APOOL: variants seen among roughly 807,000 people sequenced by gnomAD.
APOOL encodes the protein MICOS complex subunit MIC27.
APOOL carries 12 observed loss-of-function variants against 23.1 expected under a neutral mutation model. The observed-to-expected ratio is 0.52, with a 90% confidence interval of 0.33 to 0.84. The LOEUF is 0.84. APOOL is among the 40% of genes least tolerant of loss of function. The probability of loss-of-function intolerance (pLI) is 0.02; values close to 1 mark genes in which losing one functional copy is unlikely to be tolerated. For synonymous variants in APOOL, 77 were observed against 69.9 expected (o/e 1.10, Z -0.51); for missense variants, 212 against 199.6 (o/e 1.06, Z -0.37).
chrX:85,066,523 T>A (rs1923463504), intron 5 of APOOL, among the ~76,000 whole-genome samples: 1 of 111,589 alleles, frequency 9.0e-6, no homozygotes, highest in Admixed American at 9.6e-5. Flanking sequence ...CAAAAAAAGA[T>A]ACGAAAATAA....
intron 8 of APOOL, among the ~76,000 whole-genome samples, chrX:85,085,869 TAAA>T (rs1924274317): frequency 8.9e-6 from 1 of 112,081 alleles, no homozygotes; most frequent in South Asian, 3.7e-4. Context: ...AATATCATTT[TAAA>T]GAAGAGCCTG....
intron 1 of APOOL, among the ~76,000 whole-genome samples, chrX:85,040,566 A>C (rs1039027083): frequency 1.8e-5 from 2 of 111,450 alleles, no homozygotes; most frequent in Non-Finnish European, 3.8e-5. Context: ...ACATAATTCC[A>C]CATTTCCAGA....
Position 85,087,753 on chromosome X carries a change from T to C in APOOL, c.*75T>C. ...TGCAAATAATGATGAAAATAAATCA[T>C]GTAATGGGTAACTGATACATAGAGT... On this transcript the variant is annotated 3_prime_UTR_variant, in exon 9 of 9. Transcript: ENST00000373173. 1 of 889,206 alleles carries C rather than the reference T, an allele frequency of 1.1e-6. No homozygotes were observed. Among genetic ancestry groups the C allele is most frequent in the Non-Finnish European group, 1.6e-6 (1 of 643,320 alleles). The allele number at this position is 889,206 out of a possible 1,213,427, so 73.3% of individuals were successfully genotyped here.
intron 8 of APOOL, among the ~76,000 whole-genome samples, chrX:85,082,505 A>C (rs1924144028): frequency 9.0e-6 from 1 of 111,102 alleles, no homozygotes; most frequent in Non-Finnish European, 1.9e-5. Context: ...AGGGGCACCC[A>C]CATGTATGAG....
At chrX:85,011,781 C>T (rs2147471626) in intron 1 of APOOL, among the ~76,000 whole-genome samples, 1 of 111,519 alleles carries the variant, frequency 9.0e-6, no homozygotes, top group African/African-American at 3.2e-5. Context: ...AATACGATGC[C>T]TTCAGATTTG....
intron 1 of APOOL, among the ~76,000 whole-genome samples, chrX:85,019,417 G>A (rs1339109775): frequency 8.9e-6 from 1 of 112,158 alleles, no homozygotes; most frequent in East Asian, 2.8e-4. Context: ...GCCCTCATTA[G>A]AGACTGTTAA....
intron 8 of APOOL, among the ~76,000 whole-genome samples, chrX:85,077,255 C>A (rs1923892089): frequency 9.3e-6 from 1 of 106,954 alleles, no homozygotes; most frequent in Non-Finnish European, 1.9e-5. Context: ...TATCCCTCCT[C>A]CTGCCCCCCA....
chrX:85,004,877 A>C (rs1235672152), intron 1 of APOOL, among the ~76,000 whole-genome samples: 1 of 111,183 alleles, frequency 9.0e-6, no homozygotes, highest in African/African-American at 3.3e-5. Context: ...TTATGTCTAG[A>C]ACATCTGATT....
rs1338451326 is a variant in APOOL, at chrX:85,093,219, C to T, written c.*5541C>T. ...CCTCTTCAGCATTTCAGCTCCAATA[C>T]CTAGGCCTTTTAAATAGACAATGCA... On this transcript the variant is annotated 3_prime_UTR_variant, in exon 9 of 9. Transcript: ENST00000373173. 8.6e-7 allele frequency: 1 copy of T among 1,163,665 alleles called. No homozygotes were observed. Among genetic ancestry groups the T allele is most frequent in the Non-Finnish European group, 1.1e-6 (1 of 870,264 alleles).
chrX:85,004,156 T>C (rs2042790021), intron 1 of APOOL, among the ~76,000 whole-genome samples: 1 of 111,730 alleles, frequency 9.0e-6, no homozygotes. Context: ...GGTTGTCGAT[T>C]TACACAGTGG....
chrX:85,088,907 CTG>C lies in APOOL; in HGVS notation c.*1231_*1232del, dbSNP rs1009787935. On this transcript the variant is annotated 3_prime_UTR_variant, in exon 9 of 9. Coordinates refer to ENST00000373173, the MANE Select transcript of APOOL (RefSeq NM_198450.6). Reference sequence around the variant, plus strand: ...ACCTCTACATAGCTGCAGGTCTTCTCTGTCTTAAATCAACAATAACAAAACAA... The same window carrying C: ...ACCTCTACATAGCTGCAGGTCTTCTCTCTTAAATCAACAATAACAAAACAA... 1 of 86,285 alleles carries C rather than the reference CTG, an allele frequency of 1.2e-5. No individual in the cohort carries two copies. Among genetic ancestry groups the C allele is most frequent in the Non-Finnish European group, 2.3e-5 (1 of 43,071 alleles). 7.1% of individuals were successfully genotyped at this position (86,285 alleles called of 1,213,427 possible).
At chrX:85,077,940 G>GC (rs1422750647) in intron 8 of APOOL, among the ~76,000 whole-genome samples, 1 of 111,590 alleles carries the variant, frequency 9.0e-6, no homozygotes, top group Non-Finnish European at 1.9e-5. Context: ...TGATGGGGTT[G>GC]TTTTTTTCTT....
At chrX:85,065,546 C>T (rs186126460) in intron 5 of APOOL, among the ~76,000 whole-genome samples, 11 of 110,737 alleles carry the variant, frequency 9.9e-5, no homozygotes, top group African/African-American at 3.6e-4. Context: ...TAGTGCACAG[C>T]GCAGGCGTGG....
rs1277211613 is a variant in APOOL, at chrX:85,090,722, T to G, written c.*3044T>G. 8.9e-6 allele frequency: 1 copy of G among 112,078 alleles called. No individual in the cohort carries two copies. The highest frequency in any genetic ancestry group is 1.9e-5 in the Non-Finnish European group (1 of 53,286). The allele number at this position is 112,078 out of a possible 1,213,427, so 9.2% of individuals were successfully genotyped here. On this transcript the variant is annotated 3_prime_UTR_variant, in exon 9 of 9. Coordinates refer to ENST00000373173, the MANE Select transcript of APOOL (RefSeq NM_198450.6). The stretch of plus-strand genomic sequence containing the variant: ...TGTGTCCTCTTAGAATGTTCTTCCA[T>G]CTTATCCTGCTCTACATTCTAACTT...
At chrX:85,082,562 G>A (rs1458683488) in intron 8 of APOOL, among the ~76,000 whole-genome samples, 1 of 110,725 alleles carries the variant, frequency 9.0e-6, no homozygotes, top group African/African-American at 3.3e-5. Context: ...TAACAGTGAC[G>A]GTTGAAAAAA....
chrX:85,050,123 GAAAGAT>G, intron 2 of APOOL, among the ~76,000 whole-genome samples: 1 of 43,163 alleles, frequency 2.3e-5, no homozygotes, highest in South Asian at 1.7e-3. Flanking sequence ...CATTAGTCCA[GAAAGAT>G]AAAACACTAA....
At chrX:85,035,561 T>C (rs1392788413) in intron 1 of APOOL, among the ~76,000 whole-genome samples, 1 of 111,411 alleles carries the variant, frequency 9.0e-6, no homozygotes, top group African/African-American at 3.3e-5. Flanking sequence ...CTAGCTTTTC[T>C]TCAGGGTTTT....
At position 85,059,563 on chromosome X, in the gene APOOL, T is replaced by C. The variant is rs1411071076; in HGVS notation, c.394+3638T>C. ...TGTTGTTTCCTGACTTTTTAATGAT[T>C]GCCATTCTAACTGGTGTGAGATGGT... On this transcript the variant is annotated intron_variant, in intron 5 of 8. Coordinates refer to ENST00000373173, the MANE Select transcript of APOOL (RefSeq NM_198450.6). Among the ~76,000 whole-genome samples, 7 of 109,248 alleles carry C rather than the reference T, an allele frequency of 6.4e-5. No individual in the cohort carries two copies. In the South Asian group the frequency reaches 1.2e-3, roughly 19 times the overall value. The allele number at this position is 109,248 out of a possible 115,157, so 94.9% of individuals were successfully genotyped here.
At chrX:85,078,199 A>C (rs1474896643) in intron 8 of APOOL, among the ~76,000 whole-genome samples, 3 of 111,727 alleles carry the variant, frequency 2.7e-5, no homozygotes, top group Non-Finnish European at 5.6e-5. Context: ...CCTAAGTTTT[A>C]TTCTAGGGTT....
Sources: allele counts gnomAD v4.1 joint callset (sites outside exome capture counted in the v4.1 genomes callset), GRCh38; gene constraint gnomAD v4.1.1; transcripts MANE v1.5; gene names NCBI Gene and HGNC (gene_info 2026-07-23, HGNC 2026-07-21).